Variants in ATL1 observed in about 807,000 individuals in gnomAD.
ATL1 encodes the protein atlastin GTPase 1, also known as atlastin-1.
ATL1 carries 31 observed loss-of-function variants against 75.5 expected under a neutral mutation model. That is an observed-to-expected ratio of 0.41 (90% confidence interval 0.31 to 0.55). The LOEUF (loss-of-function observed/expected upper bound fraction) is 0.55. Among genes scored for constraint, ATL1 ranks in the 20% least tolerant of loss-of-function variants. ATL1 has a pLI of 0.27. For missense variants in ATL1, 405 were observed against 662.6 expected (o/e 0.61, Z 4.27); for synonymous variants, 226 against 233.3 (o/e 0.97, Z 0.28).
intron 1 of ATL1, among the ~76,000 whole-genome samples, chr14:50,573,416 A>T (rs2038972880): frequency 6.6e-6 from 1 of 152,196 alleles, no homozygotes; most frequent in Admixed American, 6.5e-5. Flanking sequence ...GGCTAGTGAG[A>T]ATGAGGACCA....
chr14:50,618,946 A>G (rs1019409125), intron 8 of ATL1, among the ~76,000 whole-genome samples: 16 of 151,750 alleles, frequency 1.1e-4, no homozygotes, highest in Non-Finnish European at 2.4e-4. Context: ...GCTGGAGTGC[A>G]GTGGCACAAT....
At chr14:50,538,879 G>A (rs2038526330) in intron 1 of ATL1, among the ~76,000 whole-genome samples, 2 of 152,170 alleles carry the variant, frequency 1.3e-5, no homozygotes, top group Admixed American at 1.3e-4. Context: ...CTATTAACAA[G>A]TGCTATCATA....
intron 1 of ATL1, among the ~76,000 whole-genome samples, chr14:50,549,383 C>T (rs2038674273): frequency 6.6e-6 from 1 of 152,174 alleles, no homozygotes; most frequent in African/African-American, 2.4e-5. Flanking sequence ...ACTGTGAGAC[C>T]TACTCACAGC....
intron 1 of ATL1, among the ~76,000 whole-genome samples, chr14:50,568,115 A>C (rs2038921474): frequency 6.6e-6 from 1 of 152,234 alleles, no homozygotes; most frequent in Admixed American, 6.5e-5. Context: ...CTGTTAGTAT[A>C]GAACTATTTC....
At chr14:50,592,817 A>G (rs2039172651) in intron 4 of ATL1, among the ~76,000 whole-genome samples, 2 of 150,752 alleles carry the variant, frequency 1.3e-5, no homozygotes. Flanking sequence ...AGGCTGAGGC[A>G]GGAGAATGGC....
At chr14:50,560,501 G>T (rs933406193) in intron 1 of ATL1, 2 of 671,518 alleles carry the variant, frequency 3.0e-6, no homozygotes, top group Non-Finnish European at 5.1e-6. Flanking sequence ...CGCTGTCGGG[G>T]TGAGGGCTGC....
intron 1 of ATL1, among the ~76,000 whole-genome samples, chr14:50,539,728 G>A (rs527858447): frequency 6.6e-6 from 1 of 152,340 alleles, no homozygotes; most frequent in East Asian, 1.9e-4. Context: ...ATACAATGAA[G>A]AAGTTGTAGG....
intron 1 of ATL1, among the ~76,000 whole-genome samples, chr14:50,571,477 A>G (rs2038954814): frequency 6.6e-6 from 1 of 152,216 alleles, no homozygotes; most frequent in Admixed American, 6.5e-5. Context: ...TCACTTCATC[A>G]GATTAAGACT....
At chr14:50,544,495 A>G (rs1482702895) in intron 1 of ATL1, among the ~76,000 whole-genome samples, 1 of 152,190 alleles carries the variant, frequency 6.6e-6, no homozygotes, top group East Asian at 1.9e-4. Context: ...AGTCTGCTGG[A>G]GTGCTTCTAG....
At chr14:50,614,635 T>C in intron 8 of ATL1, 124 bp downstream of exon 8, 1 of 1,152,826 alleles carries the variant, frequency 8.7e-7, no homozygotes, top group Non-Finnish European at 1.3e-6. Context: ...GATTAGAAAT[T>C]GTCAGGAGAA....
rs35014209 is a variant in ATL1, at chr14:50,587,880, A to G, written c.84A>G (p.Pro28=). The G allele has an allele frequency of 0.14, 224,802 of 1,613,942 alleles. 17,435 individuals are homozygous for G. The highest frequency in any genetic ancestry group is 0.32 in the African/African-American group (24,020 of 74,946). The stretch of plus-strand genomic sequence containing the variant: ...AATGGAGCTCAGAAGAGGAGGAGCC[A>G]GTGAAAAAGGCAGGACCAGTCCAAG... ...TYEWSSEEEE[P]VKKAGPVQVL... Residue 28 remains proline, a synonymous_variant, in exon 2 of 14, where the codon CCA becomes CCG. Transcript: ENST00000358385.
intron 1 of ATL1, among the ~76,000 whole-genome samples, chr14:50,553,068 G>A (rs184082958): frequency 3.0e-4 from 46 of 152,232 alleles, no homozygotes; most frequent in Admixed American, 1.4e-3. Context: ...GCTGAGGCGG[G>A]TAGATTACTT....
At chr14:50,544,291 T>A (rs1057195385) in intron 1 of ATL1, among the ~76,000 whole-genome samples, 1 of 152,214 alleles carries the variant, frequency 6.6e-6, no homozygotes, top group African/African-American at 2.4e-5. Context: ...TTGGGCCCAA[T>A]AACTACCCTC....
intron 1 of ATL1, among the ~76,000 whole-genome samples, chr14:50,569,819 G>T (rs538686448): frequency 6.6e-6 from 1 of 152,082 alleles, no homozygotes; most frequent in African/African-American, 2.4e-5. Context: ...GCTGGATATA[G>T]GATTTTTAGT....
intron 1 of ATL1, among the ~76,000 whole-genome samples, chr14:50,536,430 CTG>C (rs1566703212): frequency 2.1e-5 from 2 of 94,254 alleles, no homozygotes; most frequent in Non-Finnish European, 4.1e-5. Context: ...GAGCAAAACT[CTG>C]TCTCAAAAAA....
At chr14:50,563,729 G>A (rs1271457223) in intron 1 of ATL1, among the ~76,000 whole-genome samples, 2 of 152,316 alleles carry the variant, frequency 1.3e-5, no homozygotes, top group African/African-American at 2.4e-5. Flanking sequence ...AATTGAGGAC[G>A]ATGTTTGAAG....
At chr14:50,587,763 A>G (rs1000830932) in intron 1 of ATL1, 68 bp from the exon 2 acceptor site, 8 of 1,601,272 alleles carry the variant, frequency 5.0e-6, no homozygotes, top group South Asian at 1.1e-5. Context: ...TTGAGAGTTA[A>G]GAGGTACATA....
At chr14:50,559,948 T>G, upstream of ATL1, 1 of 442,502 alleles carries the variant, frequency 2.3e-6, no homozygotes, top group East Asian at 4.1e-5. Context: ...GTGCTGTTTA[T>G]TTGTTTGTGT....
chr14:50,607,226 A>G (rs2039323739), intron 6 of ATL1, among the ~76,000 whole-genome samples: 1 of 152,034 alleles, frequency 6.6e-6, no homozygotes, highest in South Asian at 2.1e-4. Context: ...AAATGGTACA[A>G]TGAGACGTCC....
Sources: gnomAD v4.1 joint callset for allele counts (sites outside exome capture counted in the v4.1 genomes callset) on GRCh38, gnomAD v4.1.1 for gene constraint, MANE v1.5 for transcripts, NCBI Gene and HGNC (gene_info 2026-07-23, HGNC 2026-07-21) for gene names.